The following NRXN3 variants were observed in gnomAD, a reference collection of about 807,000 sequenced individuals.
NRXN3 encodes the protein neurexin 3.
A neutral mutation model predicts 137.6 loss-of-function variants in NRXN3; 32 were observed. The observed-to-expected ratio is 0.23, with a 90% confidence interval of 0.18 to 0.31. The LOEUF (loss-of-function observed/expected upper bound fraction) is 0.31, where lower values mean the gene tolerates loss of function less well. NRXN3 is among the 10% of genes least tolerant of loss of function. NRXN3 has a pLI of 1.00. For synonymous variants in NRXN3, 798 were observed against 784.5 expected (o/e 1.02, Z -0.29); for missense variants, 1,574 against 2,062.5 (o/e 0.76, Z 4.59).
intron 20 of NRXN3, among the ~76,000 whole-genome samples, chr14:79,829,264 G>C (rs924918556): frequency 5.3e-5 from 8 of 152,172 alleles, no homozygotes; most frequent in Admixed American, 1.3e-4. Flanking sequence ...TCTCCAGAAA[G>C]GAAATTTCAG....
At chr14:78,967,543 T>A (rs1026534607) in intron 13 of NRXN3, 145 bp downstream of exon 13, 23 of 644,606 alleles carry the variant, frequency 3.6e-5, no homozygotes, top group African/African-American at 7.3e-5. Context: ...AATTATCCTG[T>A]AATGCAATTT....
At position 79,361,160 on chromosome 14, in the gene NRXN3, A is replaced by C. The variant is rs77936022; in HGVS notation, c.3263-106061A>C. On this transcript the variant is annotated intron_variant, in intron 15 of 20. Coordinates refer to ENST00000335750, the MANE Select transcript of NRXN3 (RefSeq NM_001330195.2). ...CATTGGGGCTGAAAGTGGTAACAAC[A>C]TTCTGGGAAAGGAGCCGTTTACTCT... is the stretch of plus-strand genomic sequence containing the variant. Among the ~76,000 whole-genome samples, 1,258 of 152,290 alleles carry C rather than the reference A, an allele frequency of 8.3e-3. 25 individuals are homozygous for C. The highest frequency in any genetic ancestry group is 0.082 in the South Asian group (397 of 4,818).
chr14:79,420,774 C>T (rs2095564989), intron 15 of NRXN3, among the ~76,000 whole-genome samples: 1 of 152,086 alleles, frequency 6.6e-6, no homozygotes, highest in Non-Finnish European at 1.5e-5. Context: ...CAACCTTATA[C>T]TCAGTTATAA....
intron 4 of NRXN3, among the ~76,000 whole-genome samples, chr14:78,560,402 CCCAA>C (rs1359992006): frequency 6.6e-6 from 1 of 152,178 alleles, no homozygotes. Flanking sequence ...GGACTCAGGT[CCCAA>C]CCTTGCTGGG....
intron 10 of NRXN3, among the ~76,000 whole-genome samples, chr14:78,851,021 T>C (rs1342005036): frequency 6.6e-6 from 1 of 152,186 alleles, no homozygotes; most frequent in African/African-American, 2.4e-5. Flanking sequence ...AGCTGAATTA[T>C]GCAGGACTAA....
intron 8 of NRXN3, among the ~76,000 whole-genome samples, chr14:78,719,936 A>G (rs1314143322): frequency 6.6e-6 from 1 of 152,170 alleles, no homozygotes. Context: ...AGGAATTGGA[A>G]GCCCTGAGAA....
At chr14:79,626,510 G>A (rs80355542) in intron 16 of NRXN3, among the ~76,000 whole-genome samples, 1,968 of 151,936 alleles carry the variant, frequency 0.013, 50 homozygotes, top group African/African-American at 0.045. Flanking sequence ...AAGAGAAATG[G>A]AAATATGGCA....
At chr14:78,652,852 T>A (rs1013073967) in intron 6 of NRXN3, among the ~76,000 whole-genome samples, 1 of 152,230 alleles carries the variant, frequency 6.6e-6, no homozygotes, top group South Asian at 2.1e-4. Context: ...ATCTCCATGC[T>A]CCAAGGCTTT....
intron 16 of NRXN3, among the ~76,000 whole-genome samples, chr14:79,649,182 G>A (rs926600134): frequency 2.0e-5 from 3 of 152,030 alleles, no homozygotes; most frequent in African/African-American, 7.2e-5. Flanking sequence ...CTGAACATGG[G>A]TGTCACCAGT....
chr14:79,264,222 G>A (rs1160734217), intron 15 of NRXN3, among the ~76,000 whole-genome samples: 3 of 152,062 alleles, frequency 2.0e-5, no homozygotes, highest in African/African-American at 7.2e-5. Flanking sequence ...CCAGGTAGCT[G>A]GGGTTACAGA....
intron 16 of NRXN3, among the ~76,000 whole-genome samples, chr14:79,548,185 CT>C (rs2097339324): frequency 6.6e-6 from 1 of 152,148 alleles, no homozygotes; most frequent in Non-Finnish European, 1.5e-5. Context: ...TATCCCTCCC[CT>C]AGCCCTCCAC....
chr14:78,591,838 A>G (rs568521219), intron 4 of NRXN3, among the ~76,000 whole-genome samples: 34 of 152,208 alleles, frequency 2.2e-4, no homozygotes, highest in Non-Finnish European at 4.6e-4. Flanking sequence ...CGCCATCGCC[A>G]TTACTCTAAT....
intron 16 of NRXN3, among the ~76,000 whole-genome samples, chr14:79,598,672 T>C (rs1452448838): frequency 6.6e-6 from 1 of 152,194 alleles, no homozygotes; most frequent in Non-Finnish European, 1.5e-5. Context: ...AATCTATTTC[T>C]TAGCACCAGC....
At chr14:79,071,549 A>C (rs540571093) in intron 15 of NRXN3, among the ~76,000 whole-genome samples, 2 of 152,272 alleles carry the variant, frequency 1.3e-5, no homozygotes, top group African/African-American at 4.8e-5. Flanking sequence ...AGTGAAAACA[A>C]CTTTGGATAG....
chr14:79,803,959 A>G (rs2099192900), intron 19 of NRXN3, among the ~76,000 whole-genome samples: 1 of 146,332 alleles, frequency 6.8e-6, no homozygotes. Flanking sequence ...ATATATATAC[A>G]TATATATGTA....
intron 10 of NRXN3, among the ~76,000 whole-genome samples, chr14:78,860,816 T>G (rs1236520330): frequency 6.6e-6 from 1 of 152,050 alleles, no homozygotes; most frequent in Non-Finnish European, 1.5e-5. Flanking sequence ...AAGAGAGAAG[T>G]TAGTCTTGCT....
chr14:79,549,943 A>G (rs2097357829), intron 16 of NRXN3, among the ~76,000 whole-genome samples: 1 of 148,978 alleles, frequency 6.7e-6, no homozygotes, highest in African/African-American at 2.5e-5. Context: ...CCTACAGGTT[A>G]CTTCTCATAT....
intron 15 of NRXN3, among the ~76,000 whole-genome samples, chr14:79,094,977 A>AGTGTGTGTGTGTGT (rs1409965478): frequency 4.3e-4 from 43 of 99,522 alleles, no homozygotes; most frequent in African/African-American, 9.7e-4. Flanking sequence ...AGAGAGAGAG[A>AGTGTGTGTGTGTGT]GAGTGTGTGT....
At chr14:78,762,445 A>C (rs2098695622) in intron 8 of NRXN3, among the ~76,000 whole-genome samples, 1 of 152,194 alleles carries the variant, frequency 6.6e-6, no homozygotes, top group African/African-American at 2.4e-5. Flanking sequence ...AAAGCTACGC[A>C]ATCTCTTTGA....
Sources: allele counts gnomAD v4.1 joint callset (sites outside exome capture counted in the v4.1 genomes callset), GRCh38; gene constraint gnomAD v4.1.1; transcripts MANE v1.5; gene names NCBI Gene and HGNC (gene_info 2026-07-23, HGNC 2026-07-21).